C13orf46: variants seen among roughly 807,000 people sequenced by gnomAD.
C13orf46 encodes uncharacterized protein C13orf46.
In C13orf46 at chr13:113,955,874, G is replaced by A. The variant is rs2052525884; in HGVS notation, c.*899C>T. 1 of 158,072 alleles carries A rather than the reference G, an allele frequency of 6.3e-6. No homozygotes were observed. The highest frequency in any genetic ancestry group is 1.3e-5 in the Non-Finnish European group (1 of 75,234). 9.8% of individuals were successfully genotyped at this position (158,072 alleles called of 1,614,324 possible). On this transcript the variant is annotated 3_prime_UTR_variant, in exon 7 of 7. Transcript: ENST00000636427. Reference sequence around the variant, plus strand: ...GAGAGGAGGAGCATCTCGAGGAGAGGAGGAGCATCCGGTGGAGAGGAGGAG... The same window carrying A: ...GAGAGGAGGAGCATCTCGAGGAGAGAAGGAGCATCCGGTGGAGAGGAGGAG...
At chr13:113,936,692 G>A in the C13orf46 span, among the ~76,000 whole-genome samples, 12 of 151,720 alleles carry the variant, frequency 7.9e-5, no homozygotes, top group African/African-American at 2.2e-4. Context: ...AGAGTCGGGT[G>A]GGTAGGCAAG....
chr13:113,946,053 A>ATTTAGGGTCCAGTTCACT, the C13orf46 span, among the ~76,000 whole-genome samples: 2 of 152,014 alleles, frequency 1.3e-5, no homozygotes, highest in Admixed American at 1.3e-4. Flanking sequence ...GTTCACCGTG[A>ATTTAGGGTCCAGTTCACT]GTGAATGCCG....
downstream of C13orf46, among the ~76,000 whole-genome samples, chr13:113,952,015 G>A (rs1431705312): frequency 6.6e-6 from 1 of 151,624 alleles, no homozygotes; most frequent in East Asian, 1.9e-4. Flanking sequence ...TCTAAACCCA[G>A]ACAGAGAAAA....
chr13:113,931,411 G>A, the C13orf46 span, among the ~76,000 whole-genome samples: 5 of 152,324 alleles, frequency 3.3e-5, no homozygotes, highest in Admixed American at 6.5e-5. Flanking sequence ...TAGTCCAGGC[G>A]AGAGAGGCTC....
At chr13:113,969,762 C>T (rs1192815267) in intron 2 of C13orf46, among the ~76,000 whole-genome samples, 1 of 152,136 alleles carries the variant, frequency 6.6e-6, no homozygotes. Flanking sequence ...GATGTGCTGT[C>T]CAGGGCCCCA....
At chr13:113,935,339 C>T in the C13orf46 span, among the ~76,000 whole-genome samples, 4 of 152,220 alleles carry the variant, frequency 2.6e-5, no homozygotes, top group Non-Finnish European at 5.9e-5. Context: ...TGGCCCTGAC[C>T]GCTGCTTCTC....
At chr13:113,950,221 C>G (rs1234575504), downstream of C13orf46, among the ~76,000 whole-genome samples, 2 of 136,716 alleles carry the variant, frequency 1.5e-5, no homozygotes, top group African/African-American at 2.8e-5. Flanking sequence ...TTGGGAACCT[C>G]GGTGCTCCCA....
At chr13:113,966,561 G>A (rs1028825624) in intron 5 of C13orf46, among the ~76,000 whole-genome samples, 10 of 151,430 alleles carry the variant, frequency 6.6e-5, no homozygotes, top group Non-Finnish European at 1.3e-4. Context: ...TAATAGTGAC[G>A]ATGATGGTGA....
chr13:113,933,212 G>A, the C13orf46 span, among the ~76,000 whole-genome samples: 1 of 152,160 alleles, frequency 6.6e-6, no homozygotes, highest in African/African-American at 2.4e-5. Flanking sequence ...TTGAGGATTT[G>A]TAATTGTTTT....
Position 113,955,777 on chromosome 13 carries a change from G to GCATCCGGCGGAGACGAGA in C13orf46, c.*995_*996insTCTCGTCTCCGCCGGATG, listed in dbSNP as rs2052524412. 1.5e-5 allele frequency: 2 copies of GCATCCGGCGGAGACGAGA among 133,228 alleles called. No homozygotes were observed. The highest frequency in any genetic ancestry group is 3.3e-5 in the Non-Finnish European group (2 of 60,286). 8.3% of individuals were successfully genotyped at this position (133,228 alleles called of 1,614,324 possible). A position where few individuals can be genotyped will look rare whatever the true frequency, so the allele number is the denominator to read the frequency against. ...AGGAGGAGCATCCGGCGGAGACGAG[G>GCATCCGGCGGAGACGAGA]AGCAGCCGGCGGAGACGAGGAGCAG... On this transcript the variant is annotated 3_prime_UTR_variant, in exon 7 of 7. Transcript: ENST00000636427.
At position 113,965,566 on chromosome 13, in the gene C13orf46, GTGA is replaced by G. The variant is rs1439540952; in HGVS notation, c.505-575_505-573del. On this transcript the variant is annotated intron_variant, in intron 5 of 6. Coordinates refer to ENST00000636427, the MANE Select transcript of C13orf46 (RefSeq NM_001365455.2). ...GATAATGTTGATGGTGATGACGATG[GTGA>G]TGATGATGATTATAATGGTGGTGAT... is the stretch of plus-strand genomic sequence containing the variant. Among the ~76,000 whole-genome samples the G allele has an allele frequency of 6.6e-3, 1,000 of 150,868 alleles. 7 individuals carry two copies. Among genetic ancestry groups the G allele is most frequent in the African/African-American group, 0.017 (699 of 41,452 alleles).
At chr13:113,938,020 T>C in the C13orf46 span, among the ~76,000 whole-genome samples, 46 of 152,302 alleles carry the variant, frequency 3.0e-4, 1 homozygote, top group African/African-American at 1.1e-3. Flanking sequence ...TACTCAGGAA[T>C]AGAATGGGAG....
chr13:113,965,457 C>G (rs2052626013), intron 5 of C13orf46, among the ~76,000 whole-genome samples: 1 of 152,200 alleles, frequency 6.6e-6, no homozygotes, highest in South Asian at 2.1e-4. Flanking sequence ...AGGAACACAC[C>G]CCAGATGTTA....
At chr13:113,946,475 G>A in the C13orf46 span, among the ~76,000 whole-genome samples, 4 of 152,228 alleles carry the variant, frequency 2.6e-5, no homozygotes, top group Non-Finnish European at 4.4e-5. Flanking sequence ...CAATGCTGGC[G>A]CAGGAGGACC....
At chr13:113,963,822 G>A (rs2052612390) in intron 6 of C13orf46, among the ~76,000 whole-genome samples, 1 of 152,206 alleles carries the variant, frequency 6.6e-6, no homozygotes, top group Non-Finnish European at 1.5e-5. Context: ...TCCCGTTATT[G>A]TAAATGACTG....
the C13orf46 span, among the ~76,000 whole-genome samples, chr13:113,939,345 G>GAGACC: frequency 6.7e-6 from 1 of 149,488 alleles, no homozygotes; most frequent in South Asian, 2.1e-4. Flanking sequence ...GGGGAGGACA[G>GAGACC]AGACCACCCG....
chr13:113,961,530 C>G (rs2052586817), intron 6 of C13orf46, among the ~76,000 whole-genome samples: 2 of 144,688 alleles, frequency 1.4e-5, no homozygotes, highest in Admixed American at 7.1e-5. Context: ...TGTGGCTGTT[C>G]TAAGGTTTTG....
intron 6 of C13orf46, among the ~76,000 whole-genome samples, chr13:113,958,326 A>G (rs1642116981): frequency 2.0e-5 from 3 of 152,212 alleles, no homozygotes; most frequent in African/African-American, 2.4e-5. Flanking sequence ...GCGGATGAGA[A>G]GCCCAGTTTG....
chr13:113,951,648 C>T (rs1311609551), downstream of C13orf46, among the ~76,000 whole-genome samples: 1 of 151,662 alleles, frequency 6.6e-6, no homozygotes, highest in Non-Finnish European at 1.5e-5. Flanking sequence ...CAGGCCCCAG[C>T]GCCTGCCCCA....
Sources: allele counts gnomAD v4.1 joint callset (sites outside exome capture counted in the v4.1 genomes callset), GRCh38; gene constraint gnomAD v4.1.1; transcripts MANE v1.5; gene names NCBI Gene and HGNC (gene_info 2026-07-23, HGNC 2026-07-21).